Variants in ECSCR observed in about 807,000 individuals in gnomAD.
ECSCR encodes endothelial cell surface expressed chemotaxis and apoptosis regulator.
A neutral mutation model predicts 16.7 loss-of-function variants in ECSCR; 12 were observed. The ratio of observed to expected loss-of-function variants is 0.72; its 90% CI spans 0.46 to 1.17. ECSCR has a LOEUF of 1.17. ECSCR is among the 50% of genes most tolerant of loss of function. ECSCR has a pLI of 0.00. For synonymous variants in ECSCR, 44 were observed against 42.2 expected (o/e 1.04, Z -0.17); for missense variants, 122 against 116.1 (o/e 1.05, Z -0.23).
chr5:139,459,272 G>A (rs1251198685), intron 1 of ECSCR, among the ~76,000 whole-genome samples: 1 of 152,136 alleles, frequency 6.6e-6, no homozygotes. Context: ...TGGGGATGGG[G>A]ATTAGGGCTT....
intron 5 of ECSCR, 34 bp from the exon 6 acceptor site, chr5:139,455,470 G>A (rs1751136677): frequency 2.5e-6 from 1 of 397,730 alleles, no homozygotes; most frequent in Non-Finnish European, 4.4e-6. Context: ...CATCAGCGAA[G>A]GGGACTGACA....
At chr5:139,450,284 C>T (rs1751010558) in intron 8 of ECSCR, among the ~76,000 whole-genome samples, 1 of 152,142 alleles carries the variant, frequency 6.6e-6, no homozygotes, top group Non-Finnish European at 1.5e-5. Flanking sequence ...AGAAGGATCA[C>T]TTGAGACCAG....
At chr5:139,459,966 T>C (rs1751256822) in intron 1 of ECSCR, among the ~76,000 whole-genome samples, 2 of 152,152 alleles carry the variant, frequency 1.3e-5, no homozygotes, top group African/African-American at 4.8e-5. Context: ...CCCCATTCCC[T>C]TGTTGGCGAG....
intron 5 of ECSCR, among the ~76,000 whole-genome samples, chr5:139,456,004 C>G (rs1751151576): frequency 6.6e-6 from 1 of 151,920 alleles, no homozygotes; most frequent in East Asian, 1.9e-4. Context: ...TGCCTATAGT[C>G]CCAGCTACTT....
rs397882364 is a variant in ECSCR at position 139,458,500 on chromosome 5, C to CAAAAAAAAAAAAA, written c.62-330_62-318dup. Among the ~76,000 whole-genome samples the CAAAAAAAAAAAAA allele has an allele frequency of 7.6e-4, 65 of 85,344 alleles. 4 individuals are homozygous for CAAAAAAAAAAAAA. Among genetic ancestry groups the CAAAAAAAAAAAAA allele is most frequent in the African/African-American group, 1.7e-3 (26 of 15,628 alleles). The allele number at this position is 85,344 out of a possible 152,430, so 56.0% of individuals were successfully genotyped here. A position where few individuals can be genotyped will look rare whatever the true frequency, so the allele number is the denominator to read the frequency against. ...GCAACAGGTGGAGACCCTATCTCAACAAAAAAAAAAAAAAAAAAAAAAAAA... is the reference window on the plus strand; with the variant it reads ...GCAACAGGTGGAGACCCTATCTCAACAAAAAAAAAAAAAAAAAAAAAAAAAAAAAAAAAAAAAA... On this transcript the variant is annotated intron_variant, in intron 1 of 9. Coordinates refer to ENST00000618155, the MANE Select transcript of ECSCR (RefSeq NM_001077693.4).
At chr5:139,452,211 G>T (rs1751069796) in intron 8 of ECSCR, among the ~76,000 whole-genome samples, 2 of 147,318 alleles carry the variant, frequency 1.4e-5, no homozygotes, top group Non-Finnish European at 3.0e-5. Flanking sequence ...GGGATGTGTG[G>T]TGTGTGGTGT....
At chr5:139,456,936 G>A (rs1751170496) in intron 4 of ECSCR, among the ~76,000 whole-genome samples, 1 of 152,316 alleles carries the variant, frequency 6.6e-6, no homozygotes, top group South Asian at 2.1e-4. Context: ...TCTGTGGCTT[G>A]GCCCAAGTTA....
rs1751162438 is a variant in ECSCR at position 139,456,527 on chromosome 5, T to A, written c.218-9A>T. ...GCTGGGGACACCTGCGCCTGCACCA[T>A]GAAACAGCATGACCAAGATGGGGGC... is the stretch of plus-strand genomic sequence containing the variant. On this transcript the variant is annotated splice_polypyrimidine_tract_variant and intron_variant, in intron 4 of 9. Coordinates refer to ENST00000618155, the MANE Select transcript of ECSCR (RefSeq NM_001077693.4). 1 of 398,568 alleles carries A rather than the reference T, an allele frequency of 2.5e-6. No homozygotes were observed. Among genetic ancestry groups the A allele is most frequent in the Non-Finnish European group, 4.4e-6 (1 of 226,106 alleles). 24.7% of individuals were successfully genotyped at this position (398,568 alleles called of 1,614,324 possible).
At chr5:139,461,855 A>G (rs1751312037) in intron 1 of ECSCR, among the ~76,000 whole-genome samples, 1 of 152,162 alleles carries the variant, frequency 6.6e-6, no homozygotes, top group Admixed American at 6.5e-5. Flanking sequence ...AGGTGGGGGC[A>G]GAGCAGGAAT....
chr5:139,450,556 T>A (rs554906705), intron 8 of ECSCR, among the ~76,000 whole-genome samples: 34 of 148,470 alleles, frequency 2.3e-4, no homozygotes, highest in South Asian at 6.5e-4. Context: ...GGTGGGTGGA[T>A]CACAAGGTCA....
chr5:139,448,889 C>T lies in ECSCR; in HGVS notation c.*11G>A, dbSNP rs1330968639. 1 of 1,537,206 alleles carries T rather than the reference C, an allele frequency of 6.5e-7. No individual in the cohort carries two copies. Among genetic ancestry groups the T allele is most frequent in the South Asian group, 1.2e-5 (1 of 84,060 alleles). On this transcript the variant is annotated 3_prime_UTR_variant, in exon 10 of 10. Transcript: ENST00000618155. ...CATCATCCTTGGACTCATGGGGACCCAAAGTTGCTTTTAAAGAACCTGCAA... is the reference window on the plus strand; with the variant it reads ...CATCATCCTTGGACTCATGGGGACCTAAAGTTGCTTTTAAAGAACCTGCAA...
intron 2 of ECSCR, 143 bp from the exon 3 acceptor site, chr5:139,457,950 G>T: frequency 1.7e-6 from 2 of 1,190,706 alleles, no homozygotes; most frequent in Non-Finnish European, 2.4e-6. Flanking sequence ...TTTCTTTCAA[G>T]GTACATTAGA....
chr5:139,458,331 T>G lies in ECSCR; in HGVS notation c.62-148A>C, dbSNP rs553888957. On this transcript the variant is annotated intron_variant, in intron 1 of 9. Coordinates refer to ENST00000618155, the MANE Select transcript of ECSCR (RefSeq NM_001077693.4). ...AAAAATTTTGTTTTGTTTTGTTTTT[T>G]TTTTTTTTTTAAATTCTCCAGGCAC... 194 of 710,652 alleles carry G rather than the reference T, an allele frequency of 2.7e-4. 2 individuals are homozygous for G. The South Asian group carries it at 3.1e-3, about 11-fold the overall frequency. The allele number at this position is 710,652 out of a possible 1,614,324, so 44.0% of individuals were successfully genotyped here.
At chr5:139,451,405 G>A (rs1030641687) in intron 8 of ECSCR, among the ~76,000 whole-genome samples, 1 of 150,906 alleles carries the variant, frequency 6.6e-6, no homozygotes, top group Non-Finnish European at 1.5e-5. Flanking sequence ...GTGTGTGTGT[G>A]GTTTGGTTGG....
chr5:139,454,516 G>A (rs1223143661), intron 8 of ECSCR, 86 bp downstream of exon 8: 2 of 397,768 alleles, frequency 5.0e-6, no homozygotes, highest in African/African-American at 4.1e-5. Context: ...GTGTGTGGGT[G>A]TGTGGGTGTG....
chr5:139,458,291 A>C, intron 1 of ECSCR, 108 bp from the exon 2 acceptor site: 2 of 1,035,268 alleles, frequency 1.9e-6, no homozygotes, highest in Non-Finnish European at 2.8e-6. Context: ...ACATAGCAAG[A>C]CCCTGTCTCT....
intron 8 of ECSCR, among the ~76,000 whole-genome samples, chr5:139,449,465 G>C (rs912245146): frequency 2.6e-5 from 4 of 152,204 alleles, no homozygotes; most frequent in African/African-American, 9.6e-5. Context: ...AGCCTCCTGA[G>C]TAGCTGGGAT....
At chr5:139,451,888 G>T (rs1358249223) in intron 8 of ECSCR, among the ~76,000 whole-genome samples, 1 of 151,208 alleles carries the variant, frequency 6.6e-6, no homozygotes, top group East Asian at 1.9e-4. Context: ...AGGGTGTGGG[G>T]TGTGTGTGTT....
At position 139,448,771 on chromosome 5, in the gene ECSCR, C is replaced by T. The variant is rs1750964647; in HGVS notation, c.*129G>A. 7.4e-6 allele frequency: 11 copies of T among 1,485,962 alleles called. No individual in the cohort carries two copies. The highest frequency in any genetic ancestry group is 8.9e-6 in the Non-Finnish European group (10 of 1,123,468). The allele number at this position is 1,485,962 out of a possible 1,614,324, so 92.0% of individuals were successfully genotyped here. A position where few individuals can be genotyped will look rare whatever the true frequency, so the allele number is the denominator to read the frequency against. ...GGGGCAATGCTAGTGTCCTTTAGAT[C>T]TAGAAGCAGACATGAAACAATAAAA... On this transcript the variant is annotated 3_prime_UTR_variant, in exon 10 of 10. Coordinates refer to ENST00000618155, the MANE Select transcript of ECSCR (RefSeq NM_001077693.4).
Sources: allele counts gnomAD v4.1 joint callset (sites outside exome capture counted in the v4.1 genomes callset), GRCh38; gene constraint gnomAD v4.1.1; transcripts MANE v1.5; gene names NCBI Gene and HGNC (gene_info 2026-07-23, HGNC 2026-07-21).